FBXL17: variants seen among roughly 807,000 people sequenced by gnomAD.
FBXL17 encodes the protein F-box/LRR-repeat protein 17.
FBXL17 carries 22 observed loss-of-function variants against 66.2 expected under a neutral mutation model. The observed-to-expected ratio is 0.33, with a 90% CI of 0.24 to 0.47. The LOEUF (loss-of-function observed/expected upper bound fraction) is 0.47, where lower values mean the gene tolerates loss of function less well. FBXL17 is among the 20% of genes least tolerant of loss of function. FBXL17 has a pLI of 1.00. For missense variants in FBXL17, 878 were observed against 948.2 expected, an observed-to-expected ratio of 0.93 and a Z score of 0.97; for synonymous variants, 474 against 400.5, an observed-to-expected ratio of 1.18 and a Z score of -2.19.
chr5:108,274,507 C>T (rs964076749), intron 4 of FBXL17, among the ~76,000 whole-genome samples: 1 of 152,132 alleles, frequency 6.6e-6, no homozygotes, highest in African/African-American at 2.4e-5. Context: ...GCCCAAATTT[C>T]ATATTACTCA....
rs115079964 is a variant in FBXL17 at position 108,141,671 on chromosome 5, T to C, written c.1745+44446A>G. 4.2e-3 allele frequency among the ~76,000 whole-genome samples: 645 copies of C among 152,312 alleles called. 3 individuals are homozygous for C. The highest frequency in any genetic ancestry group is 0.015 in the African/African-American group (616 of 41,566). On this transcript the variant is annotated intron_variant, in intron 6 of 8. Coordinates refer to ENST00000542267, the MANE Select transcript of FBXL17 (RefSeq NM_001163315.3). ...CAATGCGGAGCCTCTGGAGAAATTT[T>C]CAAACACCTCAAGATGGCATCCTAA... is the stretch of plus-strand genomic sequence containing the variant.
intron 4 of FBXL17, among the ~76,000 whole-genome samples, chr5:108,280,732 T>TAA (rs34971153): frequency 2.4e-4 from 36 of 148,998 alleles, no homozygotes; most frequent in Middle Eastern, 7.0e-3. Context: ...CAGAATGAAT[T>TAA]AAAAAAAAAA....
intron 4 of FBXL17, among the ~76,000 whole-genome samples, chr5:108,224,732 C>G (rs1257037110): frequency 6.6e-6 from 1 of 152,094 alleles, no homozygotes; most frequent in East Asian, 1.9e-4. Context: ...GCTGGGACTA[C>G]AAGCATGCAT....
chr5:108,104,955 C>A (rs1297464061), intron 6 of FBXL17, among the ~76,000 whole-genome samples: 1 of 152,124 alleles, frequency 6.6e-6, no homozygotes, highest in Admixed American at 6.6e-5. Context: ...CATTCTCCTG[C>A]CTCAGCCTCC....
intron 4 of FBXL17, among the ~76,000 whole-genome samples, chr5:108,258,736 CAT>C (rs1756683799): frequency 7.7e-6 from 1 of 130,110 alleles, no homozygotes; most frequent in African/African-American, 3.7e-5. Flanking sequence ...TGGCCTTTAA[CAT>C]TTTTTTTTTT....
intron 5 of FBXL17, among the ~76,000 whole-genome samples, chr5:108,209,653 G>A (rs1272744845): frequency 6.6e-6 from 1 of 152,112 alleles, no homozygotes; most frequent in African/African-American, 2.4e-5. Context: ...CATCCAAGGA[G>A]TGAAGCCGAC....
intron 2 of FBXL17, among the ~76,000 whole-genome samples, chr5:108,366,070 G>A (rs912596250): frequency 5.9e-5 from 9 of 152,038 alleles, no homozygotes; most frequent in Admixed American, 3.3e-4. Flanking sequence ...ATACCACAGC[G>A]TGTAAGTTTT....
At chr5:107,928,455 C>A (rs1460533972) in intron 7 of FBXL17, among the ~76,000 whole-genome samples, 1 of 151,688 alleles carries the variant, frequency 6.6e-6, no homozygotes, top group Admixed American at 6.6e-5. Context: ...TGACCCCCAC[C>A]CCAAATACTC....
At chr5:108,331,227 T>G (rs1238478088) in intron 4 of FBXL17, among the ~76,000 whole-genome samples, 1 of 152,216 alleles carries the variant, frequency 6.6e-6, no homozygotes, top group African/African-American at 2.4e-5. Context: ...AAGTACCGAC[T>G]ATTCTTAGTT....
intron 6 of FBXL17, among the ~76,000 whole-genome samples, chr5:108,068,524 C>T (rs2112858011): frequency 6.6e-6 from 1 of 151,890 alleles, no homozygotes; most frequent in Admixed American, 6.6e-5. Flanking sequence ...GGCGCAATCT[C>T]GGCTCACTGC....
At chr5:108,121,213 A>G (rs1179021782) in intron 6 of FBXL17, among the ~76,000 whole-genome samples, 1 of 152,084 alleles carries the variant, frequency 6.6e-6, no homozygotes, top group Admixed American at 6.6e-5. Flanking sequence ...CCATAGTCCC[A>G]GCTACTCGGG....
chr5:108,214,651 C>T (rs118040304), intron 5 of FBXL17, among the ~76,000 whole-genome samples: 6,712 of 152,018 alleles, frequency 0.044, 797 homozygotes, highest in East Asian at 0.4. Flanking sequence ...ATTACAGGCA[C>T]GAGCCACCGC....
At chr5:108,219,079 T>C (rs745713221) in intron 5 of FBXL17, among the ~76,000 whole-genome samples, 15 of 152,346 alleles carry the variant, frequency 9.8e-5, no homozygotes, top group Admixed American at 2.6e-4. Context: ...TGAACCTATA[T>C]TCATGAAAGA....
chr5:108,237,831 T>C (rs7733044), intron 4 of FBXL17, among the ~76,000 whole-genome samples: 52,532 of 151,922 alleles, frequency 0.35, 9,266 homozygotes, highest in South Asian at 0.43. Context: ...TCAGTAAACA[T>C]CCATATCTGA....
At chr5:108,361,201 T>A (rs1748316278) in intron 3 of FBXL17, among the ~76,000 whole-genome samples, 6 of 152,186 alleles carry the variant, frequency 3.9e-5, no homozygotes, top group Admixed American at 3.9e-4. Context: ...TATTAGATTA[T>A]AATGTGGTAA....
At chr5:108,274,747 T>C (rs1455631617) in intron 4 of FBXL17, among the ~76,000 whole-genome samples, 1 of 152,198 alleles carries the variant, frequency 6.6e-6, no homozygotes, top group Admixed American at 6.5e-5. Context: ...AACTAATAAA[T>C]GTCCATGAAA....
At chr5:107,987,624 C>G (rs1753067610) in intron 7 of FBXL17, among the ~76,000 whole-genome samples, 1 of 151,862 alleles carries the variant, frequency 6.6e-6, no homozygotes, top group Non-Finnish European at 1.5e-5. Context: ...ATTGTGTGTC[C>G]AGAAGATAAA....
intron 6 of FBXL17, among the ~76,000 whole-genome samples, chr5:108,093,710 C>T (rs747018891): frequency 6.6e-6 from 1 of 152,228 alleles, no homozygotes; most frequent in South Asian, 2.1e-4. Context: ...AAAGATTATA[C>T]GCAGACCTCA....
At chr5:107,975,716 T>G (rs4144477) in intron 7 of FBXL17, among the ~76,000 whole-genome samples, 36,299 of 152,112 alleles carry the variant, frequency 0.24, 4,527 homozygotes, top group Middle Eastern at 0.32. Context: ...AGGATGAATT[T>G]ACTGTTTTCT....
Sources: allele counts gnomAD v4.1 joint callset (sites outside exome capture counted in the v4.1 genomes callset), GRCh38; gene constraint gnomAD v4.1.1; transcripts MANE v1.5; gene names NCBI Gene and HGNC (gene_info 2026-07-23, HGNC 2026-07-21).